NOS1: variants seen among roughly 807,000 people sequenced by gnomAD.
NOS1 encodes NOS type I.
Under a neutral mutation model 164.5 loss-of-function variants are expected in NOS1, and 51 were observed. The observed-to-expected ratio is 0.31, with a 90% CI of 0.25 to 0.39. The LOEUF (loss-of-function observed/expected upper bound fraction) is 0.39. Ranked by LOEUF, NOS1 falls within the 10% of genes least tolerant of loss-of-function variation. NOS1 has a pLI of 1.00. For synonymous variants in NOS1, 719 were observed against 745.8 expected (o/e 0.96, Z 0.59); for missense variants, 1,362 against 1,885.6 (o/e 0.72, Z 5.14).
At position 117,234,685 on chromosome 12, in the gene NOS1, C is replaced by A. The variant is rs1407901241; in HGVS notation, c.3115G>T (p.Gly1039Cys). ...TCCTCGTGGTTGCCAGGGAAGACAC[C>A]CAGGTGGTCCCCAGGCTGGTACTGC... ...ELQYQPGDHL[G>C]VFPGNHEDLV... is the part of the protein sequence containing the mutation. The change falls in exon 21 of 29, where the codon GGT becomes TGT. Residue 1039 changes from glycine to cysteine, a missense_variant. Gly to Cys is a radical substitution (Grantham distance 159). Coordinates refer to ENST00000317775, the MANE Select transcript of NOS1 (RefSeq NM_000620.5). The surrounding 1 kb of genome is among the most constrained non-coding windows in gnomAD (Gnocchi z 4.3). The A allele has an allele frequency of 6.2e-7, 1 of 1,614,154 alleles. No homozygotes were observed. The highest frequency in any genetic ancestry group is 1.6e-4 in the Middle Eastern group (1 of 6,062).
At chr12:117,237,656 G>C (rs752047844) in intron 20 of NOS1, among the ~76,000 whole-genome samples, 48 of 148,390 alleles carry the variant, frequency 3.2e-4, no homozygotes, top group Non-Finnish European at 6.1e-4. Context: ...AGAATAATTT[G>C]CTAATGTCCA....
chr12:117,263,838 C>A, intron 13 of NOS1, 51 bp downstream of exon 13: 1 of 1,396,832 alleles, frequency 7.2e-7, no homozygotes, highest in South Asian at 1.2e-5. Context: ...TCTCTGGGTT[C>A]TCTGAGTTTG....
chr12:117,335,333 G>C (rs1300483654), intron 1 of NOS1, among the ~76,000 whole-genome samples: 1 of 152,148 alleles, frequency 6.6e-6, no homozygotes, highest in African/African-American at 2.4e-5. Context: ...TTGCCTGAGA[G>C]CCCTGCCTCC....
At chr12:117,225,299 G>A (rs536606192) in intron 24 of NOS1, among the ~76,000 whole-genome samples, 162 bp from the exon 25 acceptor site, 21 of 152,304 alleles carry the variant, frequency 1.4e-4, no homozygotes, top group African/African-American at 5.1e-4. Flanking sequence ...GAGTCTCATC[G>A]ATTAGGGGAA....
chr12:117,212,512 A>C lies in NOS1; in HGVS notation c.*2797T>G, dbSNP rs1254864006. 2.0e-6 allele frequency: 2 copies of C among 985,264 alleles called. No homozygotes were observed. Among genetic ancestry groups the C allele is most frequent in the Non-Finnish European group, 2.4e-6 (2 of 829,930 alleles). The allele number at this position is 985,264 out of a possible 1,614,324, so 61.0% of individuals were successfully genotyped here. ...TCACGACACAAGCTGTGGGAACTGG[A>C]TGCATAGTGATGGCAGGTGAGCATG... On this transcript the variant is annotated 3_prime_UTR_variant, in exon 29 of 29. Transcript: ENST00000317775.
intron 17 of NOS1, among the ~76,000 whole-genome samples, chr12:117,248,820 A>G (rs1383349414): frequency 2.0e-4 from 30 of 151,568 alleles, no homozygotes; most frequent in Admixed American, 2.0e-3. Flanking sequence ...CCAACGGTGT[A>G]AAAGTGTTCC....
chr12:117,235,527 G>A (rs969045017), intron 20 of NOS1, among the ~76,000 whole-genome samples: 3 of 152,078 alleles, frequency 2.0e-5, no homozygotes, highest in Middle Eastern at 3.4e-3. Flanking sequence ...TATGGTAAAG[G>A]AAAAAAGACT....
intron 22 of NOS1, 133 bp downstream of exon 22, chr12:117,231,829 A>C: frequency 2.0e-6 from 2 of 977,002 alleles, no homozygotes; most frequent in Non-Finnish European, 3.1e-6. Context: ...CAATATGGCA[A>C]TCTACAGCAA....
intron 3 of NOS1, among the ~76,000 whole-genome samples, chr12:117,306,701 C>A (rs1874167100): frequency 6.6e-6 from 1 of 151,758 alleles, no homozygotes; most frequent in African/African-American, 2.4e-5. Context: ...CTCACTGCAA[C>A]CTCCACCTCC....
chr12:117,254,459 C>T (rs946445770), intron 16 of NOS1, among the ~76,000 whole-genome samples: 2 of 152,156 alleles, frequency 1.3e-5, no homozygotes, highest in African/African-American at 4.8e-5. Context: ...CATTAAAATG[C>T]AGATTCTGAT....
chr12:117,244,676 A>G (rs1388249311), intron 18 of NOS1, among the ~76,000 whole-genome samples: 1 of 152,274 alleles, frequency 6.6e-6, no homozygotes, highest in East Asian at 1.9e-4. Context: ...TGAATGGATT[A>G]ACAAGATTTG....
intron 3 of NOS1, among the ~76,000 whole-genome samples, 182 bp from the exon 4 acceptor site, chr12:117,290,608 TTTCCC>T (rs1872985027): frequency 4.6e-5 from 7 of 152,020 alleles, no homozygotes; most frequent in African/African-American, 1.7e-4. Context: ...GGGAACCTGA[TTTCCC>T]CACTTACATG....
intron 1 of NOS1, among the ~76,000 whole-genome samples, chr12:117,351,340 A>G (rs1246703575): frequency 6.6e-6 from 1 of 151,994 alleles, no homozygotes; most frequent in Non-Finnish European, 1.5e-5. Flanking sequence ...CCATTCCACC[A>G]CCCAAAGGGC....
At chr12:117,301,465 G>A (rs1052736489) in intron 3 of NOS1, among the ~76,000 whole-genome samples, 2 of 152,112 alleles carry the variant, frequency 1.3e-5, no homozygotes, top group African/African-American at 4.8e-5. Context: ...ATGCCTATTT[G>A]GTGCCTGACC....
At chr12:117,333,079 A>G (rs1313635889) in intron 1 of NOS1, among the ~76,000 whole-genome samples, 2 of 152,174 alleles carry the variant, frequency 1.3e-5, no homozygotes, top group African/African-American at 4.8e-5. Flanking sequence ...GGGGCCGTGT[A>G]CATGCACAGT....
chr12:117,290,322 G>A lies in NOS1; in HGVS notation c.957C>T (p.Asp319=). The A allele has an allele frequency of 6.2e-7, 1 of 1,614,164 alleles. No homozygotes were observed. The highest frequency in any genetic ancestry group is 8.5e-7 in the Non-Finnish European group (1 of 1,180,012). The change falls in exon 4 of 29, where the codon GAC becomes GAT. Residue 319 remains aspartate (D), a synonymous_variant. Transcript: ENST00000317775. ...KNWETEVVLT[D]TLHLKSTLET... is the part of the protein sequence containing the mutation. ...CCAATGTGCTCTTAAGGTGGAGGGT[G>A]TCAGTGAGAACCACCTCAGTCTCCC...
At chr12:117,325,797 T>C (rs1033698352) in intron 2 of NOS1, among the ~76,000 whole-genome samples, 1 of 152,262 alleles carries the variant, frequency 6.6e-6, no homozygotes, top group Non-Finnish European at 1.5e-5. Context: ...TCTCTGCTTC[T>C]GATGCTGTTG....
At chr12:117,286,580 G>C (rs1874137048) in intron 5 of NOS1, among the ~76,000 whole-genome samples, 1 of 152,102 alleles carries the variant, frequency 6.6e-6, no homozygotes, top group African/African-American at 2.4e-5. Flanking sequence ...GGGGACCCAG[G>C]ACTGCTAAAT....
At chr12:117,298,638 G>C (rs545116390) in intron 3 of NOS1, among the ~76,000 whole-genome samples, 6 of 152,308 alleles carry the variant, frequency 3.9e-5, no homozygotes, top group Admixed American at 3.3e-4. Flanking sequence ...GGTGTCCTTA[G>C]AGAAAAGAGA....
Sources: allele counts gnomAD v4.1 joint callset (sites outside exome capture counted in the v4.1 genomes callset), GRCh38; gene constraint gnomAD v4.1.1; non-coding constraint Gnocchi (gnomAD v3.1); transcripts MANE v1.5; gene names NCBI Gene and HGNC (gene_info 2026-07-23, HGNC 2026-07-21).